The following UMOD variants were observed in gnomAD, a reference collection of about 807,000 sequenced individuals.
UMOD encodes uromodulin.
UMOD carries 64 observed loss-of-function variants against 66.0 expected under a neutral mutation model. The observed-to-expected ratio is 0.97, with a 90% CI of 0.79 to 1.19. The LOEUF is 1.19. Among genes scored for constraint, UMOD ranks in the 50% most tolerant of loss-of-function variants. The pLI is 0.00. For missense variants in UMOD, 764 were observed against 850.9 expected, an observed-to-expected ratio of 0.90 and a Z score of 1.27; for synonymous variants, 398 against 352.7, an observed-to-expected ratio of 1.13 and a Z score of -1.44.
At position 20,345,939 on chromosome 16, in the gene UMOD, A is replaced by G. The variant is rs148548318; in HGVS notation, c.1182+187T>C. The stretch of plus-strand genomic sequence containing the variant: ...GTCACTGTCCTAATCACTTCAACAC[A>G]TTAACTCATTCAATCCTCTCAATAC... On this transcript the variant is annotated intron_variant, in intron 5 of 10. Transcript: ENST00000396138. Among the ~76,000 whole-genome samples the G allele has an allele frequency of 9.2e-5, 14 of 152,334 alleles. 1 individual carries two copies. Among genetic ancestry groups the G allele is most frequent in the Non-Finnish European group, 1.9e-4 (13 of 68,026 alleles).
At position 20,340,758 on chromosome 16, in the gene UMOD, G is replaced by T. The variant is rs1211647823; in HGVS notation, c.1577+333C>A. On this transcript the variant is annotated intron_variant, in intron 7 of 10. Coordinates refer to ENST00000396138, the MANE Select transcript of UMOD (RefSeq NM_003361.4). ...ACCTGTAATCCCAGCACTTTGGGAG[G>T]CCAAGGGGGTGGATCACTTGAGGTC... is the stretch of plus-strand genomic sequence containing the variant. Among the ~76,000 whole-genome samples, 5 of 151,932 alleles carry T rather than the reference G, an allele frequency of 3.3e-5. No homozygotes were observed. In the East Asian group the frequency reaches 9.7e-4, roughly 29 times the overall value.
At chr16:20,341,425 C>T (rs1024249986) in intron 6 of UMOD, 89 bp from the exon 7 acceptor site, 8 of 1,589,166 alleles carry the variant, frequency 5.0e-6, no homozygotes, top group Admixed American at 1.7e-5. Context: ...TAGGCAGTCC[C>T]TTGCAGTTAT....
chr16:20,343,771 T>C (rs1965370243), intron 6 of UMOD, among the ~76,000 whole-genome samples: 1 of 152,176 alleles, frequency 6.6e-6, no homozygotes, highest in Admixed American at 6.5e-5. Context: ...ATACAACTAG[T>C]AAGTGACAGA....
chr16:20,337,358 T>A lies in UMOD; in HGVS notation c.1673A>T (p.Asn558Ile), dbSNP rs976117389. ...ACAGTGCAGGTAGACTAGGTCATAG[T>A]TTCCAGCAAACCGGAACATCTGGAC... Reference protein sequence around the residue: ...FSVQMFRFAGNYDLVYLHCEV... With the variant: ...FSVQMFRFAGIYDLVYLHCEV... Residue 558 changes from asparagine (N) to isoleucine (I), a missense_variant, in exon 8 of 11, where the codon AAC (asparagine) becomes ATC (isoleucine). Coordinates refer to ENST00000396138, the MANE Select transcript of UMOD (RefSeq NM_003361.4). The A allele has an allele frequency of 6.2e-6, 10 of 1,614,116 alleles. No homozygotes were observed. In the African/African-American group the frequency reaches 1.1e-4, roughly 17 times the overall value.
rs2141621953 is a variant in UMOD, at chr16:20,333,132, A to G, written c.*182T>C. The G allele has an allele frequency of 1.5e-6, 1 of 670,204 alleles. No homozygotes were observed. The highest frequency in any genetic ancestry group is 2.9e-5 in the East Asian group (1 of 34,962). The allele number at this position is 670,204 out of a possible 1,614,324, so 41.5% of individuals were successfully genotyped here. On this transcript the variant is annotated 3_prime_UTR_variant, in exon 11 of 11. Transcript: ENST00000396138. ...ACACCGTCACAAGTCCCATTTTGAG[A>G]AAAAGCAGCATTTAAAGACACAGGC... is the stretch of plus-strand genomic sequence containing the variant.
At position 20,344,007 on chromosome 16, in the gene UMOD, A is replaced by G. The variant is rs755596993; in HGVS notation, c.1331+17T>C. 5.0e-6 allele frequency: 8 copies of G among 1,612,264 alleles called. No homozygotes were observed. The East Asian group carries it at 1.6e-4, about 31-fold the overall frequency. The stretch of plus-strand genomic sequence containing the variant: ...TTAGAACCATCTAGGGGCCCTAGGG[A>G]CCCTCTCTGGCCACACCTGACCATT... On this transcript the variant is annotated intron_variant, in intron 6 of 10. Coordinates refer to ENST00000396138, the MANE Select transcript of UMOD (RefSeq NM_003361.4).
rs1965391681 is a variant in UMOD at position 20,344,068 on chromosome 16, CA to C, written c.1286del (p.Leu429ArgfsTer3). 5.0e-6 allele frequency: 8 copies of C among 1,613,860 alleles called. No homozygotes were observed. In the South Asian group the frequency reaches 5.5e-5, roughly 11 times the overall value. On this transcript the variant is annotated frameshift_variant, in exon 6 of 11. Transcript: ENST00000396138. LOFTEE classifies it high-confidence loss of function. ...IKINFACSYPLDMKVSLKTAL... is the reference protein window; with the variant it reads ...IKINFACSYPXDMKVSLKTAL... ...CGGTCTTCAGGCTGACTTTCATGTC[CA>C]GGGGGTAGGAGCATGCAAAGTTGAT...
rs745829666 is a variant in UMOD, at chr16:20,336,747, G to C, written c.1741-20C>G. ...GCAGGTCTACAGGGAGAGGGCAATAGAAAAACACCCTCCATGAAGGAGCCT... is the reference window on the plus strand; with the variant it reads ...GCAGGTCTACAGGGAGAGGGCAATACAAAAACACCCTCCATGAAGGAGCCT... On this transcript the variant is annotated intron_variant, in intron 8 of 10. Transcript: ENST00000396138. 6.2e-6 allele frequency: 10 copies of C among 1,609,516 alleles called. No homozygotes were observed. The highest frequency in any genetic ancestry group is 1.7e-5 in the Admixed American group (1 of 59,988).
intron 2 of UMOD, among the ~76,000 whole-genome samples, chr16:20,349,555 C>T (rs925362571): frequency 6.6e-6 from 1 of 152,286 alleles, no homozygotes; most frequent in African/African-American, 2.4e-5. Flanking sequence ...AAGCCACCAC[C>T]GCACCCTGCC....
At chr16:20,343,167 T>A (rs976536240) in intron 6 of UMOD, among the ~76,000 whole-genome samples, 1 of 127,516 alleles carries the variant, frequency 7.8e-6, no homozygotes, top group African/African-American at 2.6e-5. Context: ...AATCAATAAA[T>A]CTTATTTCTT....
intron 10 of UMOD, 140 bp from the exon 11 acceptor site, chr16:20,333,515 C>T (rs1596534443): frequency 2.6e-6 from 2 of 774,114 alleles, no homozygotes; most frequent in South Asian, 1.5e-5. Context: ...GAAGCTTCCT[C>T]CTTATCTGCC....
chr16:20,333,535 G>T (rs1362473603), intron 10 of UMOD, among the ~76,000 whole-genome samples, 160 bp from the exon 11 acceptor site: 1 of 152,202 alleles, frequency 6.6e-6, no homozygotes, highest in Non-Finnish European at 1.5e-5. Context: ...CCTGAAAAAG[G>T]TGGACCGATT....
intron 5 of UMOD, among the ~76,000 whole-genome samples, chr16:20,345,370 T>C (rs1458923508): frequency 6.6e-6 from 1 of 151,588 alleles, no homozygotes; most frequent in Non-Finnish European, 1.5e-5. Flanking sequence ...TCTTTCTTCC[T>C]TTCTTCCTTC....
At position 20,336,634 on chromosome 16, in the gene UMOD, T is replaced by G; in HGVS notation, c.1822+12A>C. The G allele has an allele frequency of 6.2e-7, 1 of 1,612,904 alleles. No homozygotes were observed. Among genetic ancestry groups the G allele is most frequent in the Non-Finnish European group, 8.5e-7 (1 of 1,178,946 alleles). On this transcript the variant is annotated intron_variant, in intron 9 of 10. Transcript: ENST00000396138. ...CCAGCCAGGAATGTTGAGGAGCGAGTGGCTCTCTTACCTTTCCGTGTGATG... is the reference window on the plus strand; with the variant it reads ...CCAGCCAGGAATGTTGAGGAGCGAGGGGCTCTCTTACCTTTCCGTGTGATG...
chr16:20,340,000 CT>C (rs1485558796), intron 7 of UMOD, among the ~76,000 whole-genome samples: 1 of 152,144 alleles, frequency 6.6e-6, no homozygotes, highest in Non-Finnish European at 1.5e-5. Context: ...ATGCCCATGT[CT>C]TACTCCTCCC....
chr16:20,352,453 G>A (rs1434728726), intron 1 of UMOD: 5 of 380,114 alleles, frequency 1.3e-5, no homozygotes, highest in Non-Finnish European at 1.9e-5. Context: ...CACATAATAG[G>A]TGCATAACTA....
intron 4 of UMOD, 135 bp from the exon 5 acceptor site, chr16:20,346,469 C>A: frequency 1.2e-6 from 1 of 842,664 alleles, no homozygotes; most frequent in African/African-American, 1.7e-5. Context: ...TGATCTGTCC[C>A]CTCCCAATGT....
At chr16:20,351,125 C>CCTG in intron 1 of UMOD, 1 of 297,546 alleles carries the variant, frequency 3.4e-6, no homozygotes, top group Non-Finnish European at 6.5e-6. Flanking sequence ...GTGTTCTGGA[C>CCTG]TCACCACTTT....
In UMOD at chr16:20,341,339, G is replaced by T. The variant is rs1310113556; in HGVS notation, c.1332-3C>A. 4 of 1,613,176 alleles carry T rather than the reference G, an allele frequency of 2.5e-6. No homozygotes were observed. Among genetic ancestry groups the T allele is most frequent in the Non-Finnish European group, 3.4e-6 (4 of 1,180,022 alleles). ...CGCCCACTCTGATGTTTAGAGCACT[G>T]CCAGGGGAGAAGGGTTGGTGAGAGG... On this transcript the variant is annotated splice_polypyrimidine_tract_variant and splice_region_variant and intron_variant, in intron 6 of 10. Transcript: ENST00000396138.
Sources: gnomAD v4.1 joint callset for allele counts (sites outside exome capture counted in the v4.1 genomes callset) on GRCh38, gnomAD v4.1.1 for gene constraint, MANE v1.5 for transcripts, NCBI Gene and HGNC (gene_info 2026-07-23, HGNC 2026-07-21) for gene names.